Variants in RHOBTB1 observed in about 807,000 individuals in gnomAD.
The protein encoded by RHOBTB1 is Rho related BTB domain containing 1, also known as rho-related BTB domain-containing protein 1.
In RHOBTB1, 40 loss-of-function variants were observed where a neutral mutation model predicts 71.6. That is an observed-to-expected ratio of 0.56 (90% CI 0.43 to 0.73). The LOEUF is 0.73. Among genes scored for constraint, RHOBTB1 ranks in the 30% least tolerant of loss-of-function variants. The pLI is 0.00. For missense variants in RHOBTB1, 797 were observed against 894.0 expected (o/e 0.89, Z 1.38); for synonymous variants, 319 against 334.9 (o/e 0.95, Z 0.52).
chr10:60,893,117 AG>A, intron 4 of RHOBTB1, 122 bp from the exon 5 acceptor site: 3 of 692,480 alleles, frequency 4.3e-6, no homozygotes, highest in Non-Finnish European at 7.1e-6. Flanking sequence ...AAAAAAAAAA[AG>A]ACCAGATATT....
At chr10:61,001,202 G>A (rs2087255450) in intron 1 of RHOBTB1, among the ~76,000 whole-genome samples, 1 of 152,174 alleles carries the variant, frequency 6.6e-6, no homozygotes, top group African/African-American at 2.4e-5. Flanking sequence ...GGCTAGCTGT[G>A]AGGAGGTCAG....
intron 2 of RHOBTB1, among the ~76,000 whole-genome samples, chr10:60,916,398 A>G (rs1392815003): frequency 2.0e-5 from 3 of 152,210 alleles, no homozygotes; most frequent in East Asian, 1.9e-4. Flanking sequence ...TAGTTTATGA[A>G]TGAGCCCAGG....
At chr10:60,943,885 A>T (rs1487773419) in intron 1 of RHOBTB1, 86 bp downstream of exon 1, 1 of 151,656 alleles carries the variant, frequency 6.6e-6, no homozygotes, top group Non-Finnish European at 1.5e-5. Flanking sequence ...CCCACTTGCC[A>T]CCCGCTGGGG....
chr10:60,899,546 A>G (rs570635539), intron 4 of RHOBTB1, among the ~76,000 whole-genome samples: 1 of 152,344 alleles, frequency 6.6e-6, no homozygotes, highest in South Asian at 2.1e-4. Flanking sequence ...TTTGACCATG[A>G]TGACAAAAGG....
Position 60,928,285 on chromosome 10 carries a change from C to G in RHOBTB1, c.-11+13519G>C, listed in dbSNP as rs79805068. ...TGTTCCTCAAAAACTAAAAATCAAA[C>G]TATCTTATGAGCCAGTAATCCCACT... On this transcript the variant is annotated intron_variant, in intron 2 of 10. Transcript: ENST00000337910. 5.9e-3 allele frequency among the ~76,000 whole-genome samples: 897 copies of G among 151,844 alleles called. 5 individuals carry two copies. The highest frequency in any genetic ancestry group is 0.021 in the African/African-American group (869 of 41,402).
At position 60,874,810 on chromosome 10, in the gene RHOBTB1, T is replaced by C. The variant is rs1027628588; in HGVS notation, c.1815+144A>G. On this transcript the variant is annotated intron_variant, in intron 9 of 10. Transcript: ENST00000337910. ...GAATGGTACATAAAAGGTAAAACTC[T>C]CAGATCTTCTTAGTGTACACAGGGG... The C allele has an allele frequency of 3.0e-5, 19 of 637,696 alleles. 1 individual carries two copies. In the East Asian group the frequency reaches 5.3e-4, roughly 18 times the overall value. 39.5% of individuals were successfully genotyped at this position (637,696 alleles called of 1,614,324 possible).
At chr10:60,947,048 A>G (rs561683963), upstream of RHOBTB1, among the ~76,000 whole-genome samples, 1 of 152,352 alleles carries the variant, frequency 6.6e-6, no homozygotes, top group South Asian at 2.1e-4. Context: ...AACTTTACTT[A>G]TAAAATCTCA....
intron 2 of RHOBTB1, among the ~76,000 whole-genome samples, chr10:60,955,329 C>G (rs2085554469): frequency 6.6e-6 from 1 of 152,090 alleles, no homozygotes; most frequent in African/African-American, 2.4e-5. Flanking sequence ...GCATGAACCA[C>G]CACACCCAGC....
chr10:60,871,617 G>C lies in RHOBTB1; in HGVS notation c.1956C>G (p.Pro652=). The part of the protein sequence containing the change: ...NQEYFERHRW[P]PVWYLKEEDH... ...CTTCTTCCTTCAGGTACCACACAGG[G>C]GGCCAGCGGTGCCGCTCGAAGTATT... The change falls in exon 11 of 11, where the codon CCC becomes CCG. Residue 652 remains proline, a synonymous_variant. Transcript: ENST00000337910. 8 of 1,614,026 alleles carry C rather than the reference G, an allele frequency of 5.0e-6. No homozygotes were observed. Among genetic ancestry groups the C allele is most frequent in the Non-Finnish European group, 6.8e-6 (8 of 1,179,988 alleles).
chr10:60,872,646 T>C (rs1395179327), intron 9 of RHOBTB1, among the ~76,000 whole-genome samples: 1 of 145,712 alleles, frequency 6.9e-6, no homozygotes, highest in African/African-American at 2.5e-5. Flanking sequence ...AGCGATGTCA[T>C]CTCTGTTTAA....
chr10:60,905,506 AC>A (rs2082633724), intron 4 of RHOBTB1, among the ~76,000 whole-genome samples: 1 of 150,942 alleles, frequency 6.6e-6, no homozygotes, highest in South Asian at 2.1e-4. Flanking sequence ...TCCATGGTGG[AC>A]AAAGTATCAA....
chr10:60,886,724 G>GT (rs1554831367), intron 6 of RHOBTB1, among the ~76,000 whole-genome samples: 17 of 141,420 alleles, frequency 1.2e-4, no homozygotes, highest in African/African-American at 5.2e-5. Context: ...ATGTGGGGGG[G>GT]GGTGGGTCTG....
intron 2 of RHOBTB1, among the ~76,000 whole-genome samples, chr10:60,912,002 C>A (rs1489023058): frequency 6.6e-6 from 1 of 152,122 alleles, no homozygotes; most frequent in Non-Finnish European, 1.5e-5. Flanking sequence ...CAAGATCGCT[C>A]ATTAGCCAAT....
At chr10:60,945,338 C>T (rs997550243), upstream of RHOBTB1, among the ~76,000 whole-genome samples, 7 of 152,100 alleles carry the variant, frequency 4.6e-5, no homozygotes, top group Admixed American at 3.3e-4. Context: ...GCTAGGGATA[C>T]AAAGATGGAA....
intron 4 of RHOBTB1, among the ~76,000 whole-genome samples, chr10:60,895,258 C>T (rs2082105916): frequency 6.6e-6 from 1 of 152,108 alleles, no homozygotes; most frequent in Non-Finnish European, 1.5e-5. Flanking sequence ...AGCAATACTA[C>T]CTCTGAAGAT....
Position 60,909,965 on chromosome 10 carries a change from T to C in RHOBTB1, c.296+922A>G, listed in dbSNP as rs77411608. ...GTCCGTTCAAAGAGCTACTGGCTTG[T>C]AGAAATAGAAGAATCTTCAGAAATG... On this transcript the variant is annotated intron_variant, in intron 4 of 10. Coordinates refer to ENST00000337910, the MANE Select transcript of RHOBTB1 (RefSeq NM_014836.5). Among the ~76,000 whole-genome samples the C allele has an allele frequency of 5.3e-5, 8 of 152,292 alleles. No homozygotes were observed. In the East Asian group the frequency reaches 1.5e-3, roughly 29 times the overall value.
intron 2 of RHOBTB1, among the ~76,000 whole-genome samples, chr10:60,974,290 C>T (rs1467563101): frequency 6.6e-6 from 1 of 151,926 alleles, no homozygotes. Context: ...ATAATGGAAA[C>T]TGGGTTCATG....
chr10:60,889,090 T>C lies in RHOBTB1; in HGVS notation c.578A>G (p.Gln193Arg). The C allele has an allele frequency of 1.2e-6, 2 of 1,614,172 alleles. No homozygotes were observed. Among genetic ancestry groups the C allele is most frequent in the South Asian group, 1.1e-5 (1 of 91,082 alleles). Residue 193 changes from glutamine to arginine, a missense_variant, in exon 6 of 11, where the codon CAG (glutamine) becomes CGG (arginine). Around this residue, in one of 2 missense-constraint regions of RHOBTB1, gnomAD observed 658 missense variants for 681.5 expected, o/e 0.97. Transcript: ENST00000337910. ...LPYYETSVFDQFGIKDVFDNA... is the reference protein window; with the variant it reads ...LPYYETSVFDRFGIKDVFDNA... The stretch of plus-strand genomic sequence containing the variant: ...GTCAAACACATCCTTGATACCAAAC[T>C]GGTCAAACACGCTTGTTTCATAGTA...
intron 7 of RHOBTB1, among the ~76,000 whole-genome samples, chr10:60,882,612 G>T (rs914011573): frequency 2.6e-5 from 4 of 152,074 alleles, no homozygotes; most frequent in Non-Finnish European, 5.9e-5. Flanking sequence ...TGATTTTCAT[G>T]GTGTGGGGGG....
Sources: allele counts gnomAD v4.1 joint callset (sites outside exome capture counted in the v4.1 genomes callset), GRCh38; gene constraint gnomAD v4.1.1; regional missense constraint gnomAD v4.1.1; transcripts MANE v1.5; gene names NCBI Gene and HGNC (gene_info 2026-07-23, HGNC 2026-07-21).